SLC35F1: variants seen among roughly 807,000 people sequenced by gnomAD.
SLC35F1 encodes solute carrier family 35 member F1, also known as chromosome 6 open reading frame 169.
SLC35F1 carries 14 observed loss-of-function variants against 48.7 expected under a neutral mutation model. The ratio of observed to expected loss-of-function variants is 0.29; its 90% confidence interval spans 0.19 to 0.45. SLC35F1 has a LOEUF of 0.45. Among genes scored for constraint, SLC35F1 ranks in the 20% least tolerant of loss-of-function variants. SLC35F1 has a pLI of 1.00. For missense variants in SLC35F1, 404 were observed against 500.0 expected, an observed-to-expected ratio of 0.81 and a Z score of 1.83; for synonymous variants, 190 against 202.2, an observed-to-expected ratio of 0.94 and a Z score of 0.51.
chr6:118,034,055 A>C (rs1044218659), intron 1 of SLC35F1, among the ~76,000 whole-genome samples: 8 of 152,330 alleles, frequency 5.3e-5, no homozygotes, highest in African/African-American at 1.7e-4. Flanking sequence ...TTGTGAACCC[A>C]CTTCAGATAG....
intron 2 of SLC35F1, among the ~76,000 whole-genome samples, chr6:118,194,205 G>A (rs1052652961): frequency 6.6e-6 from 1 of 152,192 alleles, no homozygotes; most frequent in South Asian, 2.1e-4. Flanking sequence ...AATAGGGCCA[G>A]GAAAGCATGC....
At chr6:118,083,311 C>A (rs559526035) in intron 1 of SLC35F1, among the ~76,000 whole-genome samples, 3 of 152,206 alleles carry the variant, frequency 2.0e-5, no homozygotes, top group African/African-American at 7.2e-5. Context: ...ATTTTATAAA[C>A]TTTTCCAAGA....
intron 1 of SLC35F1, among the ~76,000 whole-genome samples, chr6:117,987,861 G>A (rs1206994418): frequency 1.3e-5 from 2 of 152,008 alleles, no homozygotes; most frequent in Non-Finnish European, 2.9e-5. Context: ...ATATTCATTG[G>A]CAAATGCAAA....
At position 117,971,612 on chromosome 6, in the gene SLC35F1, A is replaced by T. The variant is rs4946309; in HGVS notation, c.173+63713A>T. ...TGCCTGGACATCCAGTCATTTCCAT[A>T]CATCCTCTGAAATCTAAGTGAAGGT... On this transcript the variant is annotated intron_variant, in intron 1 of 7. Coordinates refer to ENST00000360388, the MANE Select transcript of SLC35F1 (RefSeq NM_001029858.4). Among the ~76,000 whole-genome samples, 1,210 of 152,230 alleles carry T rather than the reference A, an allele frequency of 7.9e-3. 10 individuals are homozygous for T. Among genetic ancestry groups the T allele is most frequent in the Non-Finnish European group, 0.014 (937 of 68,010 alleles).
intron 1 of SLC35F1, among the ~76,000 whole-genome samples, chr6:118,050,036 TA>T (rs1236989452): frequency 4.6e-5 from 7 of 152,058 alleles, no homozygotes; most frequent in South Asian, 2.1e-4. Flanking sequence ...TATGCAGCCA[TA>T]AAAAATGATG....
intron 1 of SLC35F1, among the ~76,000 whole-genome samples, chr6:118,000,196 C>T (rs956151290): frequency 6.6e-6 from 1 of 152,122 alleles, no homozygotes; most frequent in African/African-American, 2.4e-5. Flanking sequence ...TGCAAAAATC[C>T]TCAATAAAAT....
chr6:118,313,205 A>G (rs1306612021), intron 7 of SLC35F1, among the ~76,000 whole-genome samples: 2 of 152,216 alleles, frequency 1.3e-5, no homozygotes, highest in Non-Finnish European at 2.9e-5. Flanking sequence ...AGAAATGGCA[A>G]TACTCATATT....
intron 1 of SLC35F1, among the ~76,000 whole-genome samples, chr6:117,972,175 C>T (rs1049544359): frequency 6.6e-6 from 1 of 152,172 alleles, no homozygotes; most frequent in Non-Finnish European, 1.5e-5. Context: ...GTCAAAATGC[C>T]ACCAGTCTCT....
chr6:118,273,848 G>A (rs1221842560), intron 4 of SLC35F1, among the ~76,000 whole-genome samples: 1 of 152,124 alleles, frequency 6.6e-6, no homozygotes, highest in East Asian at 1.9e-4. Flanking sequence ...TTCCCTTGAG[G>A]ATGACTCCAG....
chr6:118,130,317 C>A lies in SLC35F1; in HGVS notation c.174-24128C>A, dbSNP rs151085885. Among the ~76,000 whole-genome samples, 599 of 152,196 alleles carry A rather than the reference C, an allele frequency of 3.9e-3. 14 individuals carry two copies. The highest frequency in any genetic ancestry group is 7.2e-4 in the Non-Finnish European group (49 of 68,022). On this transcript the variant is annotated intron_variant, in intron 1 of 7. Transcript: ENST00000360388. ...TAGTCTAGATACGCTTCTTAAGAGG[C>A]GTGTGCTTCAGTTTCTTCATCTGCA...
chr6:118,212,725 GGAAA>G (rs1160622385), intron 2 of SLC35F1, among the ~76,000 whole-genome samples: 3 of 104,000 alleles, frequency 2.9e-5, no homozygotes, highest in East Asian at 2.6e-4. Flanking sequence ...AAGGAAGGAA[GGAAA>G]GGAAGGAAGG....
At chr6:118,079,974 C>CA (rs1324015535) in intron 1 of SLC35F1, among the ~76,000 whole-genome samples, 14 of 152,274 alleles carry the variant, frequency 9.2e-5, no homozygotes, top group African/African-American at 3.4e-4. Flanking sequence ...TCCATATCTC[C>CA]AAACTTTGCT....
chr6:117,920,302 C>T (rs1007941725), intron 1 of SLC35F1, among the ~76,000 whole-genome samples: 1 of 152,152 alleles, frequency 6.6e-6, no homozygotes, highest in Non-Finnish European at 1.5e-5. Context: ...TACAGAGGAC[C>T]GGACGGGGGC....
chr6:118,161,214 C>T (rs1195758185), intron 2 of SLC35F1, among the ~76,000 whole-genome samples: 2 of 152,114 alleles, frequency 1.3e-5, no homozygotes, highest in Non-Finnish European at 2.9e-5. Flanking sequence ...GATCTCACCT[C>T]CCCAGATCCG....
intron 2 of SLC35F1, among the ~76,000 whole-genome samples, chr6:118,196,757 C>A (rs1774806048): frequency 6.6e-6 from 1 of 152,026 alleles, no homozygotes; most frequent in Non-Finnish European, 1.5e-5. Context: ...ATAAATAAAT[C>A]ATTGTCAAGA....
At chr6:118,021,785 C>T (rs1362277444) in intron 1 of SLC35F1, among the ~76,000 whole-genome samples, 1 of 152,184 alleles carries the variant, frequency 6.6e-6, no homozygotes, top group Non-Finnish European at 1.5e-5. Flanking sequence ...AATTCTTCCA[C>T]TGGTCTCACA....
chr6:118,294,820 T>TA lies in SLC35F1; in HGVS notation c.1002+9493dup, dbSNP rs571494127. On this transcript the variant is annotated intron_variant, in intron 7 of 7. Coordinates refer to ENST00000360388, the MANE Select transcript of SLC35F1 (RefSeq NM_001029858.4). ...TGTTTTTTATCATACAAATAATTACTAAAAAAAAAAAGAGAGATTTCAAAA... is the reference window on the plus strand; with the variant it reads ...TGTTTTTTATCATACAAATAATTACTAAAAAAAAAAAAGAGAGATTTCAAAA... Among the ~76,000 whole-genome samples, 1,327 of 142,390 alleles carry TA rather than the reference T, an allele frequency of 9.3e-3. 7 individuals are homozygous for TA. Among genetic ancestry groups the TA allele is most frequent in the African/African-American group, 0.015 (590 of 38,920 alleles). The allele number at this position is 142,390 out of a possible 152,430, so 93.4% of individuals were successfully genotyped here.
chr6:118,082,381 G>C lies in SLC35F1; in HGVS notation c.174-72064G>C, dbSNP rs565106402. Among the ~76,000 whole-genome samples, 7 of 152,296 alleles carry C rather than the reference G, an allele frequency of 4.6e-5. No individual in the cohort carries two copies. The South Asian group carries it at 1.4e-3, about 32-fold the overall frequency. ...ACTAGTGACAGAATGACTGGAATTT[G>C]AAGAGCTCAGAGAATAATTTTAGAA... On this transcript the variant is annotated intron_variant, in intron 1 of 7. Coordinates refer to ENST00000360388, the MANE Select transcript of SLC35F1 (RefSeq NM_001029858.4).
chr6:118,089,551 G>A (rs929125410), intron 1 of SLC35F1, among the ~76,000 whole-genome samples: 2 of 152,156 alleles, frequency 1.3e-5, no homozygotes, highest in East Asian at 1.9e-4. Flanking sequence ...GGAGAGGGTG[G>A]CATTAACAAC....
Sources: allele counts gnomAD v4.1 joint callset (sites outside exome capture counted in the v4.1 genomes callset), GRCh38; gene constraint gnomAD v4.1.1; transcripts MANE v1.5; gene names NCBI Gene and HGNC (gene_info 2026-07-23, HGNC 2026-07-21).